ECT2L: variants seen among roughly 807,000 people sequenced by gnomAD.
ECT2L encodes epithelial cell transforming 2 like.
A neutral mutation model predicts 122.8 loss-of-function variants in ECT2L; 126 were observed. The ratio of observed to expected loss-of-function variants is 1.03; its 90% CI spans 0.89 to 1.19. The LOEUF (loss-of-function observed/expected upper bound fraction) is 1.19, where lower values mean the gene tolerates loss of function less well. Ranked by LOEUF, ECT2L falls within the 50% of genes most tolerant of loss-of-function variation. The probability of loss-of-function intolerance (pLI) is 0.00; values close to 1 mark genes in which losing one functional copy is unlikely to be tolerated. For missense variants in ECT2L, 1,012 were observed against 1,064.1 expected, an observed-to-expected ratio of 0.95 and a Z score of 0.68; for synonymous variants, 385 against 381.8, an observed-to-expected ratio of 1.01 and a Z score of -0.10.
intron 16 of ECT2L, 38 bp from the exon 17 acceptor site, chr6:138,885,468 T>A: frequency 6.3e-7 from 1 of 1,594,786 alleles, no homozygotes; most frequent in South Asian, 1.1e-5. Flanking sequence ...TTTACAACTA[T>A]CTCATAAAGT....
intron 1 of ECT2L, among the ~76,000 whole-genome samples, chr6:138,807,147 AT>A (rs1775740075): frequency 1.4e-5 from 2 of 147,130 alleles, no homozygotes; most frequent in South Asian, 4.3e-4. Flanking sequence ...TAATGGTTGT[AT>A]TTTTTTGTGG....
intron 5 of ECT2L, among the ~76,000 whole-genome samples, chr6:138,841,177 G>A (rs745766941): frequency 8.5e-5 from 13 of 152,066 alleles, no homozygotes; most frequent in African/African-American, 1.2e-4. Context: ...ATTTATTTCC[G>A]CAAAGTTCAT....
intron 20 of ECT2L, among the ~76,000 whole-genome samples, chr6:138,896,776 T>G (rs772194927): frequency 7.9e-5 from 12 of 152,164 alleles, no homozygotes; most frequent in Non-Finnish European, 1.5e-4. Flanking sequence ...GCCTCCCAAG[T>G]AGCTGGGACT....
At chr6:138,824,394 T>C (rs562486740) in intron 4 of ECT2L, among the ~76,000 whole-genome samples, 95 of 151,442 alleles carry the variant, frequency 6.3e-4, no homozygotes, top group African/African-American at 2.1e-3. Flanking sequence ...TAATTATTTT[T>C]AATTATCTAA....
chr6:138,830,961 T>C (rs1440279402), intron 4 of ECT2L, among the ~76,000 whole-genome samples: 1 of 152,252 alleles, frequency 6.6e-6, no homozygotes. Context: ...TCCAGCTGCT[T>C]ACTTGATATT....
intron 4 of ECT2L, among the ~76,000 whole-genome samples, chr6:138,830,511 T>C (rs1392697516): frequency 6.6e-6 from 1 of 152,196 alleles, no homozygotes; most frequent in Non-Finnish European, 1.5e-5. Context: ...CTGCAGGGAC[T>C]GTCCCCAGAT....
chr6:138,894,826 G>A (rs527629185), intron 20 of ECT2L, among the ~76,000 whole-genome samples: 21 of 152,240 alleles, frequency 1.4e-4, no homozygotes, highest in Non-Finnish European at 2.8e-4. Flanking sequence ...ATGCTCCAGG[G>A]TTGCAGTCCC....
At chr6:138,881,294 T>C (rs777701409) in intron 15 of ECT2L, 123 bp downstream of exon 15, 43 of 942,584 alleles carry the variant, frequency 4.6e-5, no homozygotes, top group Non-Finnish European at 6.7e-5. Context: ...ACCCTGATTA[T>C]AGCAGCGAGA....
At chr6:138,834,107 T>C (rs1222331487) in intron 4 of ECT2L, among the ~76,000 whole-genome samples, 2 of 152,344 alleles carry the variant, frequency 1.3e-5, no homozygotes, top group African/African-American at 4.8e-5. Flanking sequence ...TTTGTTATTT[T>C]TGCAAAGTAC....
intron 10 of ECT2L, among the ~76,000 whole-genome samples, chr6:138,855,784 T>TA (rs1244620474): frequency 1.3e-5 from 2 of 152,214 alleles, no homozygotes; most frequent in Non-Finnish European, 1.5e-5. Context: ...CTCTCCCTTT[T>TA]AAAAAATGTA....
rs1776782357 is a variant in ECT2L, at chr6:138,835,026, G to A, written c.180-3326G>A. On this transcript the variant is annotated intron_variant, in intron 4 of 21. Coordinates refer to ENST00000541398, the MANE Select transcript of ECT2L (RefSeq NM_001077706.3). ...CTGTTTTGTCTCAGGATGTGACAAG[G>A]CTACATGGACAGGGATCAAAAAAAC... 4.0e-5 allele frequency among the ~76,000 whole-genome samples: 6 copies of A among 151,836 alleles called. No homozygotes were observed. In the South Asian group the frequency reaches 1.2e-3, roughly 31 times the overall value.
At chr6:138,810,455 C>T (rs759620139) in intron 1 of ECT2L, among the ~76,000 whole-genome samples, 8 of 152,240 alleles carry the variant, frequency 5.3e-5, no homozygotes, top group East Asian at 1.9e-4. Context: ...AAGCCTGATA[C>T]GCTCAAAATA....
intron 20 of ECT2L, among the ~76,000 whole-genome samples, chr6:138,896,790 GGTGTGCA>G (rs1388231137): frequency 2.0e-5 from 3 of 152,120 alleles, no homozygotes; most frequent in African/African-American, 2.4e-5. Flanking sequence ...TGGGACTATA[GGTGTGCA>G]CCACCACACC....
chr6:138,810,414 A>T (rs544841916), intron 1 of ECT2L, among the ~76,000 whole-genome samples: 1 of 152,348 alleles, frequency 6.6e-6, no homozygotes, highest in South Asian at 2.1e-4. Context: ...ATCTCAGGGA[A>T]GAAAGACGTA....
chr6:138,822,056 T>G (rs927430744), intron 4 of ECT2L, among the ~76,000 whole-genome samples: 1 of 152,270 alleles, frequency 6.6e-6, no homozygotes, highest in African/African-American at 2.4e-5. Flanking sequence ...ACATTTGTGG[T>G]AGCTTTGTTT....
chr6:138,900,453 G>A (rs941629526), intron 20 of ECT2L, among the ~76,000 whole-genome samples: 3 of 152,078 alleles, frequency 2.0e-5, no homozygotes, highest in Non-Finnish European at 4.4e-5. Context: ...CACTATGTTG[G>A]CCAGGCTGGT....
intron 13 of ECT2L, among the ~76,000 whole-genome samples, chr6:138,871,605 A>T (rs1188853): frequency 6.6e-6 from 1 of 151,926 alleles, no homozygotes; most frequent in African/African-American, 2.4e-5. Flanking sequence ...CAGGAATTTG[A>T]GACCAGCCTG....
chr6:138,883,419 T>C (rs1217030325), intron 16 of ECT2L, among the ~76,000 whole-genome samples: 1 of 152,222 alleles, frequency 6.6e-6, no homozygotes. Context: ...GCTGCTCTTG[T>C]GGGGATACCT....
intron 1 of ECT2L, among the ~76,000 whole-genome samples, chr6:138,811,411 G>C (rs1440943482): frequency 1.3e-5 from 2 of 152,168 alleles, no homozygotes; most frequent in African/African-American, 4.8e-5. Context: ...CAGAGGTACT[G>C]GTTATGAACT....
Sources: allele counts gnomAD v4.1 joint callset (sites outside exome capture counted in the v4.1 genomes callset), GRCh38; gene constraint gnomAD v4.1.1; transcripts MANE v1.5; gene names NCBI Gene and HGNC (gene_info 2026-07-23, HGNC 2026-07-21).